Variants in ABI2 observed in about 807,000 individuals in gnomAD.
The protein encoded by ABI2 is abl interactor 2.
Under a neutral mutation model 59.2 loss-of-function variants are expected in ABI2, and 25 were observed. The ratio of observed to expected loss-of-function variants is 0.42; its 90% CI spans 0.31 to 0.59. ABI2 has a LOEUF of 0.59. Among genes scored for constraint, ABI2 ranks in the 20% least tolerant of loss-of-function variants. The probability of loss-of-function intolerance (pLI) is 0.14; values close to 1 mark genes in which losing one functional copy is unlikely to be tolerated. For missense variants in ABI2, 545 were observed against 681.8 expected (o/e 0.80, Z 2.23); for synonymous variants, 213 against 235.5 (o/e 0.90, Z 0.87).
chr2:203,366,703 T>A (rs2094482865), intron 1 of ABI2, among the ~76,000 whole-genome samples, 174 bp from the exon 2 acceptor site: 1 of 152,258 alleles, frequency 6.6e-6, no homozygotes, highest in Non-Finnish European at 1.5e-5. Context: ...GTGAGTTCAG[T>A]CAATAGTTTG....
chr2:203,355,155 CT>C, intron 1 of ABI2: 1 of 391,920 alleles, frequency 2.6e-6, no homozygotes, highest in Non-Finnish European at 5.4e-6. Context: ...TCTTTCTAGG[CT>C]TTCCGTTTTG....
intron 4 of ABI2, among the ~76,000 whole-genome samples, chr2:203,390,487 C>A (rs938780204): frequency 6.6e-6 from 1 of 152,022 alleles, no homozygotes; most frequent in Admixed American, 6.6e-5. Flanking sequence ...AAAAAATTAG[C>A]TGGTCGTGGT....
chr2:203,354,662 T>C (rs1661685211), intron 1 of ABI2, among the ~76,000 whole-genome samples: 1 of 152,138 alleles, frequency 6.6e-6, no homozygotes, highest in South Asian at 2.1e-4. Flanking sequence ...TAGCATTTTC[T>C]TGCACTATAC....
At chr2:203,364,534 A>G (rs761223298) in intron 1 of ABI2, among the ~76,000 whole-genome samples, 21 of 152,150 alleles carry the variant, frequency 1.4e-4, no homozygotes, top group Non-Finnish European at 3.1e-4. Flanking sequence ...TTTAAACTTC[A>G]TCTTGAACTT....
intron 11 of ABI2, among the ~76,000 whole-genome samples, chr2:203,423,748 G>T (rs1257086651): frequency 6.6e-6 from 1 of 152,042 alleles, no homozygotes; most frequent in African/African-American, 2.4e-5. Flanking sequence ...TGCTGGCATG[G>T]TACCATTATT....
rs560258262 is a variant in ABI2, at chr2:203,401,352, G to A, written c.1034-1224G>A. On this transcript the variant is annotated intron_variant, in intron 8 of 11. Transcript: ENST00000261018. ...TTCTTCTCCACCTGCTTATTTCTCC[G>A]CCTCCTCTTCTCTCTTGCCCTCCCC... Among the ~76,000 whole-genome samples the A allele has an allele frequency of 2.7e-5, 4 of 150,460 alleles. No homozygotes were observed. In the South Asian group the frequency reaches 8.4e-4, roughly 32 times the overall value.
intron 10 of ABI2, among the ~76,000 whole-genome samples, chr2:203,411,745 G>A (rs571374600): frequency 6.6e-6 from 1 of 152,252 alleles, no homozygotes; most frequent in African/African-American, 2.4e-5. Flanking sequence ...CTCCAGTTTT[G>A]TGATTCCAGA....
intron 1 of ABI2, among the ~76,000 whole-genome samples, chr2:203,329,881 C>T (rs1367106429): frequency 6.6e-6 from 1 of 151,896 alleles, no homozygotes; most frequent in African/African-American, 2.4e-5. Flanking sequence ...GGACTACAGG[C>T]GCCCGCCACC....
intron 3 of ABI2, among the ~76,000 whole-genome samples, chr2:203,381,021 G>C (rs1219741416): frequency 2.0e-5 from 3 of 152,090 alleles, no homozygotes; most frequent in African/African-American, 7.2e-5. Context: ...ATTTATGTCT[G>C]ATCAGTAGTT....
At chr2:203,391,777 T>C (rs1042863472) in intron 5 of ABI2, among the ~76,000 whole-genome samples, 1 of 146,924 alleles carries the variant, frequency 6.8e-6, no homozygotes, top group Admixed American at 7.0e-5. Flanking sequence ...GCCGTGATCA[T>C]GCCACTGTGC....
intron 1 of ABI2, among the ~76,000 whole-genome samples, chr2:203,333,575 T>C (rs1312044274): frequency 6.6e-6 from 1 of 152,194 alleles, no homozygotes; most frequent in Non-Finnish European, 1.5e-5. Flanking sequence ...TTAAGATGAC[T>C]CAACTCATTT....
chr2:203,412,410 A>C (rs2097716185), intron 10 of ABI2, among the ~76,000 whole-genome samples: 1 of 152,146 alleles, frequency 6.6e-6, no homozygotes, highest in Non-Finnish European at 1.5e-5. Flanking sequence ...ATGTGGTTGT[A>C]TTTTAACTAA....
intron 1 of ABI2, among the ~76,000 whole-genome samples, chr2:203,331,091 T>C (rs2073008826): frequency 6.6e-6 from 1 of 152,178 alleles, no homozygotes; most frequent in Non-Finnish European, 1.5e-5. Flanking sequence ...GCATCTGAAG[T>C]ATATTTTACA....
chr2:203,359,417 A>G (rs1436631337), intron 1 of ABI2, among the ~76,000 whole-genome samples: 3 of 152,218 alleles, frequency 2.0e-5, no homozygotes, highest in African/African-American at 4.8e-5. Flanking sequence ...AGAATGTACA[A>G]AGATCCCAAA....
chr2:203,338,949 TATATATATATATAA>T (rs1195925350), intron 1 of ABI2, among the ~76,000 whole-genome samples: 1 of 19,936 alleles, frequency 5.0e-5, no homozygotes, highest in Non-Finnish European at 8.5e-5. Context: ...TATATATATA[TATATATATATATAA>T]ATATATATAT....
chr2:203,328,426 C>G lies in ABI2; in HGVS notation c.-89C>G. On this transcript the variant is annotated 5_prime_UTR_variant, in exon 1 of 12. Transcript: ENST00000261018. ...AGTTACCGCCGCCGTCGCCGCCGCT[C>G]CTCCTCTCCCGGTCCTGGGTTTCCT... 1 of 1,096,238 alleles carries G rather than the reference C, an allele frequency of 9.1e-7. No individual in the cohort carries two copies. Among genetic ancestry groups the G allele is most frequent in the Non-Finnish European group, 1.3e-6 (1 of 751,138 alleles). The allele number at this position is 1,096,238 out of a possible 1,614,324, so 67.9% of individuals were successfully genotyped here.
chr2:203,359,845 T>TG (rs34499527), intron 1 of ABI2, among the ~76,000 whole-genome samples: 5,393 of 151,476 alleles, frequency 0.036, 184 homozygotes, highest in African/African-American at 0.087. Flanking sequence ...TGTACATTTT[T>TG]GGGGGGGGGA....
intron 1 of ABI2, among the ~76,000 whole-genome samples, chr2:203,366,040 G>A (rs1018705264): frequency 2.6e-5 from 4 of 151,754 alleles, no homozygotes; most frequent in African/African-American, 9.7e-5. Flanking sequence ...GTTTTTTCAT[G>A]TTCATATGTA....
chr2:203,336,843 G>T (rs1295839209), intron 1 of ABI2, among the ~76,000 whole-genome samples: 2 of 152,194 alleles, frequency 1.3e-5, no homozygotes, highest in Non-Finnish European at 2.9e-5. Context: ...TATGGTAAAT[G>T]TGTGTTTAGT....
Sources: gnomAD v4.1 joint callset for allele counts (sites outside exome capture counted in the v4.1 genomes callset) on GRCh38, gnomAD v4.1.1 for gene constraint, MANE v1.5 for transcripts, NCBI Gene and HGNC (gene_info 2026-07-23, HGNC 2026-07-21) for gene names.